Variants in ZNF331 observed in about 807,000 individuals in gnomAD.
ZNF331 encodes C2H2-like zinc finger protein rearranged in thyroid adenomas.
In ZNF331, 2 loss-of-function variants were observed where a neutral mutation model predicts 7.0. The ratio of observed to expected loss-of-function variants is 0.29; its 90% CI spans 0.12 to 0.90. The LOEUF is 0.90. Ranked by LOEUF, ZNF331 falls within the 40% of genes least tolerant of loss-of-function variation. ZNF331 has a pLI of 0.58. For synonymous variants in ZNF331, 196 were observed against 205.4 expected (o/e 0.95, Z 0.39); for missense variants, 432 against 587.7 (o/e 0.74, Z 2.74).
intron 2 of ZNF331, among the ~76,000 whole-genome samples, chr19:53,548,177 CG>C (rs2088747539): frequency 6.6e-6 from 1 of 151,894 alleles, no homozygotes; most frequent in Non-Finnish European, 1.5e-5. Flanking sequence ...GGCGTGATCT[CG>C]GCTCACTGCA....
intron 2 of ZNF331, among the ~76,000 whole-genome samples, chr19:53,543,299 C>T (rs976776903): frequency 6.6e-6 from 1 of 152,134 alleles, no homozygotes; most frequent in Non-Finnish European, 1.5e-5. Context: ...GAGTCTCGCC[C>T]TGTCTCCCAG....
intron 2 of ZNF331, among the ~76,000 whole-genome samples, chr19:53,551,358 T>C (rs765388338): frequency 3.9e-5 from 6 of 152,226 alleles, no homozygotes; most frequent in Non-Finnish European, 7.3e-5. Flanking sequence ...TTCTGGAACA[T>C]TAAATCCTTC....
intron 3 of ZNF331, among the ~76,000 whole-genome samples, chr19:53,561,154 C>G (rs1486818641): frequency 6.6e-6 from 1 of 151,968 alleles, no homozygotes; most frequent in East Asian, 1.9e-4. Flanking sequence ...GACCCTGTCG[C>G]AAAATATATG....
At chr19:53,536,948 TG>T (rs2087778856), upstream of ZNF331, among the ~76,000 whole-genome samples, 1 of 152,180 alleles carries the variant, frequency 6.6e-6, no homozygotes, top group Non-Finnish European at 1.5e-5. Flanking sequence ...CTGGAAATTC[TG>T]GGTAACGTCA....
intron 3 of ZNF331, among the ~76,000 whole-genome samples, chr19:53,557,506 T>C (rs1383068140): frequency 1.3e-5 from 2 of 152,182 alleles, no homozygotes; most frequent in East Asian, 3.9e-4. Context: ...ACCATCACAT[T>C]GGGGAACAGA....
At chr19:53,554,358 G>A (rs2089220610) in intron 2 of ZNF331, among the ~76,000 whole-genome samples, 2 of 152,192 alleles carry the variant, frequency 1.3e-5, no homozygotes, top group Non-Finnish European at 2.9e-5. Context: ...GGGGGTCTGT[G>A]TGCGCGTACA....
chr19:53,516,577 G>T (rs1216923161), upstream of ZNF331, among the ~76,000 whole-genome samples: 1 of 152,090 alleles, frequency 6.6e-6, no homozygotes, highest in Admixed American at 6.6e-5. Flanking sequence ...TTCAGAGAAT[G>T]AAAAGATCCA....
intron 2 of ZNF331, among the ~76,000 whole-genome samples, chr19:53,540,103 A>G (rs8110288): frequency 1 from 152,348 of 152,348 alleles, 76,174 homozygotes; most frequent in Non-Finnish European, 1. Context: ...GAATCCTTCA[A>G]AAGAGAGGAG....
chr19:53,532,433 C>T (rs1348580194), intron 2 of ZNF331, among the ~76,000 whole-genome samples: 1 of 152,136 alleles, frequency 6.6e-6, no homozygotes, highest in African/African-American at 2.4e-5. Context: ...GTTTTTAAGG[C>T]GAATAGTATT....
intron 5 of ZNF331, among the ~76,000 whole-genome samples, chr19:53,574,807 G>A (rs978914368): frequency 1.3e-5 from 2 of 152,046 alleles, no homozygotes; most frequent in Admixed American, 1.3e-4. Context: ...TTTATCAGCT[G>A]TTATAATTTA....
intron 1 of ZNF331, chr19:53,538,864 A>T (rs1255906809): frequency 6.6e-6 from 1 of 152,482 alleles, no homozygotes; most frequent in Non-Finnish European, 1.5e-5. Flanking sequence ...ACCAAGCGGT[A>T]CCTGCCTGAG....
At chr19:53,546,140 G>GGAAAAAAAAAAAAAAAAAA (rs551214509) in intron 2 of ZNF331, among the ~76,000 whole-genome samples, 5 of 113,476 alleles carry the variant, frequency 4.4e-5, no homozygotes, top group Admixed American at 1.0e-4. Flanking sequence ...TCCTGAGGGG[G>GGAAAAAAAAAAAAAAAAAA]AAAAAAAAAA....
At chr19:53,510,781 T>A in the ZNF331 span, among the ~76,000 whole-genome samples, 1 of 152,090 alleles carries the variant, frequency 6.6e-6, no homozygotes, top group South Asian at 2.1e-4. Context: ...TAATATTGAT[T>A]TTTTTTACCC....
intron 2 of ZNF331, among the ~76,000 whole-genome samples, chr19:53,530,631 C>T (rs2087500630): frequency 6.6e-6 from 1 of 152,216 alleles, no homozygotes; most frequent in South Asian, 2.1e-4. Flanking sequence ...AATTCACACT[C>T]CCCTCAGACG....
chr19:53,569,024 T>C (rs961900070), intron 3 of ZNF331, among the ~76,000 whole-genome samples: 48 of 152,086 alleles, frequency 3.2e-4, no homozygotes, highest in Admixed American at 3.9e-4. Flanking sequence ...ATCCGGCTAA[T>C]TTTTTGTATT....
chr19:53,549,434 A>G (rs1215737941), intron 2 of ZNF331, among the ~76,000 whole-genome samples: 1 of 152,192 alleles, frequency 6.6e-6, no homozygotes, highest in Non-Finnish European at 1.5e-5. Context: ...CCGTCCTCCC[A>G]GGGAGTTTGG....
rs1195673628 is a variant in ZNF331 at position 53,560,484 on chromosome 19, G to A, written c.-74+4576G>A. Reference sequence around the variant, plus strand: ...TAACAGGAAGGTTATGCCTGATTCAGTGACACTACTTTTTCAATATTAGGC... The same window carrying A: ...TAACAGGAAGGTTATGCCTGATTCAATGACACTACTTTTTCAATATTAGGC... On this transcript the variant is annotated intron_variant, in intron 3 of 5. Transcript: ENST00000449416. The surrounding 1 kb of genome is among the most constrained non-coding windows in gnomAD (Gnocchi z 4.3). Among the ~76,000 whole-genome samples the A allele has an allele frequency of 1.3e-5, 2 of 152,168 alleles. No homozygotes were observed. Among genetic ancestry groups the A allele is most frequent in the Non-Finnish European group, 2.9e-5 (2 of 68,028 alleles).
rs2090774990 is a variant in ZNF331 at position 53,577,538 on chromosome 19, T to C, written c.978T>C (p.Pro326=). Residue 326 remains proline, a synonymous_variant, in exon 6 of 6, where the codon CCT becomes CCC. Coordinates refer to ENST00000449416, the MANE Select transcript of ZNF331 (RefSeq NM_001079906.2). The stretch of plus-strand genomic sequence containing the variant: ...AGAAGATCCACACCGGTGAGAAGCC[T>C]CACGAATGTAAGGAGTGTGGGAAGG... ...QHQKIHTGEK[P]HECKECGKAF... The C allele has an allele frequency of 1.2e-6, 2 of 1,612,406 alleles. No individual in the cohort carries two copies. Among genetic ancestry groups the C allele is most frequent in the African/African-American group, 2.7e-5 (2 of 74,704 alleles).
At chr19:53,548,518 A>G (rs2088776212) in intron 2 of ZNF331, among the ~76,000 whole-genome samples, 1 of 152,150 alleles carries the variant, frequency 6.6e-6, no homozygotes, top group Non-Finnish European at 1.5e-5. Context: ...CGGCCTTCCA[A>G]AGTTCTGGGA....
Sources: allele counts gnomAD v4.1 joint callset (sites outside exome capture counted in the v4.1 genomes callset), GRCh38; gene constraint gnomAD v4.1.1; non-coding constraint Gnocchi (gnomAD v3.1); transcripts MANE v1.5; gene names NCBI Gene and HGNC (gene_info 2026-07-23, HGNC 2026-07-21).